SPATA13: variants seen among roughly 807,000 people sequenced by gnomAD.
SPATA13 encodes spermatogenesis associated 13.
A neutral mutation model predicts 104.0 loss-of-function variants in SPATA13; 50 were observed. The ratio of observed to expected loss-of-function variants is 0.48; its 90% CI spans 0.38 to 0.61. SPATA13 has a LOEUF of 0.61. SPATA13 is among the 20% of genes least tolerant of loss of function. The pLI, the probability that SPATA13 is intolerant of heterozygous loss-of-function variation, is 0.00. For missense variants in SPATA13, 1,524 were observed against 1,690.6 expected (o/e 0.90, Z 1.73); for synonymous variants, 606 against 667.5 (o/e 0.91, Z 1.42).
At chr13:24,080,168 C>G (rs1281912650) in intron 3 of SPATA13, among the ~76,000 whole-genome samples, 3 of 152,144 alleles carry the variant, frequency 2.0e-5, no homozygotes, top group Non-Finnish European at 4.4e-5. Context: ...CCTTTTAACC[C>G]CAGTGTTCTT....
At chr13:24,196,446 G>A (rs1272688264) in intron 1 of SPATA13, among the ~76,000 whole-genome samples, 1 of 152,114 alleles carries the variant, frequency 6.6e-6, no homozygotes, top group Non-Finnish European at 1.5e-5. Flanking sequence ...TTTCCACAGT[G>A]TACTAGAAAA....
rs914416035 is a variant in SPATA13 at position 24,072,534 on chromosome 13, C to T, written c.-112+54833C>T. ...CACTTTAGAGATGAGCCTCCTGACA[C>T]GGTTGTTTAGACTCACTGCCTCTCC... On this transcript the variant is annotated intron_variant, in intron 3 of 14. Coordinates refer to the SPATA13 transcript ENST00000424834. Among the ~76,000 whole-genome samples the T allele has an allele frequency of 3.9e-5, 6 of 152,144 alleles. No homozygotes were observed. The South Asian group carries it at 1.0e-3, about 26-fold the overall frequency.
intron 2 of SPATA13, among the ~76,000 whole-genome samples, chr13:24,228,177 A>C (rs1379700132): frequency 7.8e-6 from 1 of 128,502 alleles, no homozygotes; most frequent in Non-Finnish European, 1.6e-5. Flanking sequence ...GCAGTGGCGT[A>C]ATCTCGGCTC....
At chr13:24,036,431 T>A (rs1243495173) in intron 3 of SPATA13, among the ~76,000 whole-genome samples, 1 of 152,204 alleles carries the variant, frequency 6.6e-6, no homozygotes, top group Non-Finnish European at 1.5e-5. Flanking sequence ...AGCAGACTTT[T>A]TAGATAATAG....
chr13:24,278,090 G>A (rs1217824392), intron 4 of SPATA13, among the ~76,000 whole-genome samples: 1 of 152,192 alleles, frequency 6.6e-6, no homozygotes, highest in Non-Finnish European at 1.5e-5. Flanking sequence ...GGAAGGAAGG[G>A]TTAGTGAGGG....
chr13:24,224,194 G>A lies in SPATA13; in HGVS notation c.1265G>A (p.Ser422Asn). 9 of 1,551,772 alleles carry A rather than the reference G, an allele frequency of 5.8e-6. No homozygotes were observed. The highest frequency in any genetic ancestry group is 6.1e-6 in the Non-Finnish European group (7 of 1,147,012). The change falls in exon 2 of 13, where the codon AGC becomes AAC. Residue 422 changes from serine to asparagine, a missense_variant. By Grantham distance (46) the Ser-to-Asn change is conservative (BLOSUM62 1). Transcript: ENST00000382108. Reference protein sequence around the residue: ...LETKSSWAVESDSSCTCSSLP... With the variant: ...LETKSSWAVENDSSCTCSSLP... Reference sequence around the variant, plus strand: ...ACCAAAAGTTCCTGGGCGGTGGAAAGCGACAGTTCCTGCACTTGCAGCTCT... The same window carrying A: ...ACCAAAAGTTCCTGGGCGGTGGAAAACGACAGTTCCTGCACTTGCAGCTCT...
chr13:24,106,676 A>T (rs537138925), intron 3 of SPATA13, among the ~76,000 whole-genome samples: 2 of 152,330 alleles, frequency 1.3e-5, no homozygotes, highest in South Asian at 2.1e-4. Flanking sequence ...GGGCCGACAG[A>T]GCTGGCTCTC....
intron 3 of SPATA13, among the ~76,000 whole-genome samples, chr13:24,061,537 C>T (rs557936385): frequency 5.3e-5 from 8 of 152,276 alleles, no homozygotes; most frequent in African/African-American, 1.9e-4. Flanking sequence ...ACTATGCAGC[C>T]ATAACAAAGA....
At chr13:24,230,381 C>G (rs1258401497) in intron 2 of SPATA13, among the ~76,000 whole-genome samples, 1 of 152,114 alleles carries the variant, frequency 6.6e-6, no homozygotes, top group African/African-American at 2.4e-5. Flanking sequence ...CGCAGGAGCC[C>G]CAAAGGCGGC....
At chr13:24,004,178 C>T (rs1266877916) in intron 2 of SPATA13, among the ~76,000 whole-genome samples, 1 of 152,094 alleles carries the variant, frequency 6.6e-6, no homozygotes, top group Admixed American at 6.5e-5. Flanking sequence ...GCATCATGAA[C>T]CCCGAGTTTG....
upstream of SPATA13, among the ~76,000 whole-genome samples, chr13:24,158,198 C>T (rs1346597353): frequency 6.6e-6 from 1 of 152,096 alleles, no homozygotes; most frequent in Non-Finnish European, 1.5e-5. Flanking sequence ...GTCTTGAGTA[C>T]CAAAAGATCA....
chr13:24,256,577 T>C (rs1001590043), intron 4 of SPATA13, among the ~76,000 whole-genome samples: 4 of 152,046 alleles, frequency 2.6e-5, no homozygotes, highest in Non-Finnish European at 5.9e-5. Context: ...TTTTTTTTTT[T>C]AAAGAAATGA....
rs546198139 is a variant in SPATA13 at position 24,171,965 on chromosome 13, GT to G, written c.-112+11035del. 1.9e-4 allele frequency among the ~76,000 whole-genome samples: 29 copies of G among 152,216 alleles called. No individual in the cohort carries two copies. In the East Asian group the frequency reaches 5.4e-3, roughly 28 times the overall value. On this transcript the variant is annotated intron_variant, in intron 1 of 12. Transcript: ENST00000382108. ...TTTCATTTTTAGATCATTCGGAGGG[GT>G]TACTCAGATTCTCCGAATGATGACA...
At chr13:24,044,233 C>CTTTT (rs67709070) in intron 3 of SPATA13, among the ~76,000 whole-genome samples, 9 of 123,008 alleles carry the variant, frequency 7.3e-5, no homozygotes, top group Admixed American at 8.5e-5. Flanking sequence ...TTCTTTCTTT[C>CTTTT]TTTTTTTTTT....
chr13:24,219,236 A>G (rs763888434), intron 1 of SPATA13, among the ~76,000 whole-genome samples: 3 of 152,184 alleles, frequency 2.0e-5, no homozygotes, highest in Non-Finnish European at 2.9e-5. Flanking sequence ...GCAACTTGGT[A>G]TGTTACTCAG....
chr13:24,251,444 C>T (rs1322723229), intron 3 of SPATA13: 1 of 984,508 alleles, frequency 1.0e-6, no homozygotes, highest in Non-Finnish European at 1.2e-6. Context: ...TCAGAAGCTT[C>T]TTTTTCCTTA....
chr13:24,271,446 G>C (rs1286202797), intron 4 of SPATA13, among the ~76,000 whole-genome samples: 2 of 152,322 alleles, frequency 1.3e-5, no homozygotes, highest in Non-Finnish European at 2.9e-5. Flanking sequence ...TGTTTCTAAA[G>C]TGACATTACC....
chr13:24,238,925 G>A (rs747140228), intron 2 of SPATA13, among the ~76,000 whole-genome samples: 10 of 152,154 alleles, frequency 6.6e-5, no homozygotes, highest in Non-Finnish European at 1.2e-4. Flanking sequence ...TGCTCCTTGC[G>A]ATCTTGCCTT....
At chr13:24,066,014 G>A (rs1409021) in intron 3 of SPATA13, among the ~76,000 whole-genome samples, 136,477 of 152,246 alleles carry the variant, frequency 0.9, 61,783 homozygotes, top group South Asian at 0.98. Flanking sequence ...GAGATAGCAC[G>A]CCTGAAGCAT....
Sources: gnomAD v4.1 joint callset for allele counts (sites outside exome capture counted in the v4.1 genomes callset) on GRCh38, gnomAD v4.1.1 for gene constraint, MANE v1.5 for transcripts, NCBI Gene and HGNC (gene_info 2026-07-23, HGNC 2026-07-21) for gene names.